The following MCF2L2 variants were observed in gnomAD, a reference collection of about 807,000 sequenced individuals.
MCF2L2 encodes probable guanine nucleotide exchange factor MCF2L2.
In MCF2L2, 102 loss-of-function variants were observed where a neutral mutation model predicts 150.2. The ratio of observed to expected loss-of-function variants is 0.68; its 90% CI spans 0.58 to 0.80. The LOEUF (loss-of-function observed/expected upper bound fraction) is 0.80, where lower values mean the gene tolerates loss of function less well. Ranked by LOEUF, MCF2L2 falls within the 30% of genes least tolerant of loss-of-function variation. The probability of loss-of-function intolerance (pLI) is 0.00; values close to 1 mark genes in which losing one functional copy is unlikely to be tolerated. For missense variants in MCF2L2, 1,256 were observed against 1,372.8 expected (o/e 0.91, Z 1.34); for synonymous variants, 465 against 491.3 (o/e 0.95, Z 0.71).
At chr3:183,276,482 T>C (rs2108458647) in intron 15 of MCF2L2, among the ~76,000 whole-genome samples, 1 of 152,374 alleles carries the variant, frequency 6.6e-6, no homozygotes, top group East Asian at 1.9e-4. Flanking sequence ...ACAGCATTTC[T>C]GAGGATGCAA....
intron 14 of MCF2L2, among the ~76,000 whole-genome samples, chr3:183,285,104 G>T (rs1166419996): frequency 6.6e-6 from 1 of 152,168 alleles, no homozygotes; most frequent in Non-Finnish European, 1.5e-5. Context: ...TCAACAATAG[G>T]ATAATTCTGT....
intron 15 of MCF2L2, among the ~76,000 whole-genome samples, chr3:183,247,921 G>A (rs898102638): frequency 6.6e-6 from 1 of 152,118 alleles, no homozygotes; most frequent in Non-Finnish European, 1.5e-5. Flanking sequence ...ACTGTACCAA[G>A]TTGAAAACAA....
intron 27 of MCF2L2, 130 bp downstream of exon 27, chr3:183,192,866 TAAA>T: frequency 1.6e-6 from 1 of 640,622 alleles, no homozygotes. Flanking sequence ...CACATGGTGG[TAAA>T]ATGCTTTCTT....
At chr3:183,221,192 A>G (rs1723136961) in intron 20 of MCF2L2, among the ~76,000 whole-genome samples, 1 of 152,190 alleles carries the variant, frequency 6.6e-6, no homozygotes, top group Non-Finnish European at 1.5e-5. Context: ...CTGTGGGGAC[A>G]CTGCTCTGGT....
At chr3:183,262,625 G>C (rs1349117419) in intron 15 of MCF2L2, among the ~76,000 whole-genome samples, 1 of 151,868 alleles carries the variant, frequency 6.6e-6, no homozygotes, top group Non-Finnish European at 1.5e-5. Flanking sequence ...GGGAGCCCAT[G>C]AGGAGGCGGC....
chr3:183,198,314 G>A (rs1238744362), intron 25 of MCF2L2, among the ~76,000 whole-genome samples: 1 of 152,056 alleles, frequency 6.6e-6, no homozygotes, highest in Non-Finnish European at 1.5e-5. Flanking sequence ...ATTATGCAGA[G>A]GAGAGAAGCC....
intron 15 of MCF2L2, among the ~76,000 whole-genome samples, chr3:183,249,973 A>G (rs1724441812): frequency 6.6e-6 from 1 of 152,252 alleles, no homozygotes; most frequent in Non-Finnish European, 1.5e-5. Context: ...GTGTCCACCC[A>G]CAAGAGATCT....
At chr3:183,262,631 G>A (rs1725720934) in intron 15 of MCF2L2, among the ~76,000 whole-genome samples, 1 of 151,708 alleles carries the variant, frequency 6.6e-6, no homozygotes, top group Non-Finnish European at 1.5e-5. Context: ...CCATGAGGAG[G>A]CGGCCCAGAA....
intron 27 of MCF2L2, among the ~76,000 whole-genome samples, chr3:183,187,058 A>G (rs1721718931): frequency 1.3e-5 from 2 of 152,206 alleles, no homozygotes; most frequent in South Asian, 2.1e-4. Flanking sequence ...ATAACCCACC[A>G]TCTCTCCAGA....
intron 1 of MCF2L2, among the ~76,000 whole-genome samples, chr3:183,411,569 T>C (rs1362823866): frequency 6.6e-6 from 1 of 152,000 alleles, no homozygotes; most frequent in Non-Finnish European, 1.5e-5. Context: ...TTAAATTAGC[T>C]ATATTAATTA....
Position 183,193,055 on chromosome 3 carries a change from A to G in MCF2L2, c.2960T>C (p.Met987Thr), listed in dbSNP as rs759916921. ...GAGSGPWIKNMERATTSKEDP... is the reference protein window; with the variant it reads ...GAGSGPWIKNTERATTSKEDP... Reference sequence around the variant, plus strand: ...TTCCTTGCTAGTGGTAGCTCTTTCCATATTTTTAATCCATGGTCCGGATCC... The same window carrying G: ...TTCCTTGCTAGTGGTAGCTCTTTCCGTATTTTTAATCCATGGTCCGGATCC... Residue 987 changes from methionine to threonine, a missense_variant, in exon 27 of 30, where the codon ATG becomes ACG. Transcript: ENST00000328913. 2.5e-6 allele frequency: 4 copies of G among 1,614,018 alleles called. No individual in the cohort carries two copies. The highest frequency in any genetic ancestry group is 1.7e-5 in the Admixed American group (1 of 59,992).
chr3:183,332,910 A>T (rs1730326444), intron 5 of MCF2L2, among the ~76,000 whole-genome samples: 1 of 152,222 alleles, frequency 6.6e-6, no homozygotes, highest in Non-Finnish European at 1.5e-5. Flanking sequence ...GATTTTCAGA[A>T]ATTTGATTAT....
At chr3:183,423,597 A>G (rs1359651860) in intron 1 of MCF2L2, among the ~76,000 whole-genome samples, 4 of 146,196 alleles carry the variant, frequency 2.7e-5, no homozygotes, top group Non-Finnish European at 6.0e-5. Context: ...CTCTATGGGG[A>G]GTTACTGACG....
chr3:183,298,889 C>G (rs887404865), intron 11 of MCF2L2: 1 of 152,230 alleles, frequency 6.6e-6, no homozygotes, highest in African/African-American at 2.4e-5. Flanking sequence ...ACACCAGCCC[C>G]TTCGGAGCTA....
chr3:183,239,860 T>C (rs1355735229), intron 15 of MCF2L2, among the ~76,000 whole-genome samples: 1 of 152,216 alleles, frequency 6.6e-6, no homozygotes, highest in Non-Finnish European at 1.5e-5. Flanking sequence ...TGAGCCCACA[T>C]TGCCAATGGT....
chr3:183,234,277 AG>A (rs1310678179), intron 15 of MCF2L2, among the ~76,000 whole-genome samples: 23 of 152,252 alleles, frequency 1.5e-4, no homozygotes, highest in African/African-American at 4.8e-4. Flanking sequence ...TGACAATTAA[AG>A]GAAGTCAGAA....
intron 3 of MCF2L2, among the ~76,000 whole-genome samples, chr3:183,349,931 A>T (rs189114910): frequency 6.2e-4 from 95 of 152,170 alleles, no homozygotes; most frequent in Middle Eastern, 3.4e-3. Context: ...GGGAGCCACC[A>T]GGACTCTTAA....
intron 3 of MCF2L2, among the ~76,000 whole-genome samples, chr3:183,357,011 C>T (rs1368377528): frequency 1.3e-5 from 2 of 151,856 alleles, no homozygotes; most frequent in African/African-American, 4.8e-5. Context: ...TTGAAAAATG[C>T]ACATGGCTGA....
Position 183,305,325 on chromosome 3 carries a change from C to CT in MCF2L2, c.1113+4390dup, listed in dbSNP as rs397795812. Among the ~76,000 whole-genome samples, 1,395 of 146,240 alleles carry CT rather than the reference C, an allele frequency of 9.5e-3. 15 individuals are homozygous for CT. The highest frequency in any genetic ancestry group is 0.031 in the African/African-American group (1,245 of 40,126). ...CTTGGCATGAAAGTCTCTGTTGACA[C>CT]TTTTTTTTTTTTTAAGTCCAGCTGC... On this transcript the variant is annotated intron_variant, in intron 10 of 29. Coordinates refer to ENST00000328913, the MANE Select transcript of MCF2L2 (RefSeq NM_015078.4). The surrounding 1 kb of genome is among the most constrained non-coding windows in gnomAD (Gnocchi z 4.1).
Sources: gnomAD v4.1 joint callset for allele counts (sites outside exome capture counted in the v4.1 genomes callset) on GRCh38, gnomAD v4.1.1 for gene constraint, Gnocchi (gnomAD v3.1) non-coding constraint, MANE v1.5 for transcripts, NCBI Gene and HGNC (gene_info 2026-07-23, HGNC 2026-07-21) for gene names.